Variants in HCN1 observed in about 807,000 individuals in gnomAD.
The protein encoded by HCN1 is potassium/sodium hyperpolarization-activated cyclic nucleotide-gated channel 1.
HCN1 carries 13 observed loss-of-function variants against 78.9 expected under a neutral mutation model. That is an observed-to-expected ratio of 0.16 (90% confidence interval 0.11 to 0.26). The LOEUF (loss-of-function observed/expected upper bound fraction) is 0.26. Among genes scored for constraint, HCN1 ranks in the 10% least tolerant of loss-of-function variants. The pLI, the probability that HCN1 is intolerant of heterozygous loss-of-function variation, is 1.00. For missense variants in HCN1, 810 were observed against 1,154.3 expected (o/e 0.70, Z 4.32); for synonymous variants, 552 against 455.5 (o/e 1.21, Z -2.70).
chr5:45,364,741 A>C (rs764458657), intron 4 of HCN1, among the ~76,000 whole-genome samples: 3 of 152,074 alleles, frequency 2.0e-5, no homozygotes, highest in Non-Finnish European at 4.4e-5. Flanking sequence ...GCTTGTCTTA[A>C]ATGTTAATGT....
chr5:45,462,131 C>G, intron 2 of HCN1, 124 bp from the exon 3 acceptor site: 1 of 748,186 alleles, frequency 1.3e-6, no homozygotes, highest in South Asian at 1.7e-5. Context: ...ATGGGAATAA[C>G]TTGCAGAAAT....
At chr5:45,614,417 C>A (rs779547433) in intron 2 of HCN1, among the ~76,000 whole-genome samples, 8 of 152,024 alleles carry the variant, frequency 5.3e-5, no homozygotes, top group Non-Finnish European at 1.2e-4. Context: ...AACTAGAGTT[C>A]TCTGTATTTT....
intron 2 of HCN1, among the ~76,000 whole-genome samples, chr5:45,618,293 C>T (rs984456240): frequency 6.6e-6 from 1 of 151,850 alleles, no homozygotes; most frequent in Admixed American, 6.6e-5. Flanking sequence ...GAAAGGGACA[C>T]GGAGGTATTC....
intron 1 of HCN1, among the ~76,000 whole-genome samples, chr5:45,675,340 T>C (rs984451073): frequency 6.6e-6 from 1 of 151,746 alleles, no homozygotes; most frequent in African/African-American, 2.4e-5. Flanking sequence ...TTGTTGGCTG[T>C]TCCTTCCCTA....
chr5:45,272,325 C>T (rs1033295170), intron 6 of HCN1, among the ~76,000 whole-genome samples: 1 of 152,006 alleles, frequency 6.6e-6, no homozygotes. Context: ...ATCTGTAGCT[C>T]ATACTATCCT....
intron 2 of HCN1, among the ~76,000 whole-genome samples, chr5:45,548,580 T>C (rs543810882): frequency 9.2e-5 from 14 of 152,172 alleles, no homozygotes; most frequent in Middle Eastern, 3.4e-3. Context: ...CTTTGAAAAC[T>C]GGCACAAGAC....
In HCN1 at chr5:45,383,838, T is replaced by C. The variant is rs73099487; in HGVS notation, c.1230+12654A>G. ...TGTTTTTTCCACAATATTTTAATAGTAAAATACAAAAGAATCACAGATTCT... is the reference window on the plus strand; with the variant it reads ...TGTTTTTTCCACAATATTTTAATAGCAAAATACAAAAGAATCACAGATTCT... On this transcript the variant is annotated intron_variant, in intron 4 of 7. Coordinates refer to ENST00000303230, the MANE Select transcript of HCN1 (RefSeq NM_021072.4). Among the ~76,000 whole-genome samples, 208 of 152,238 alleles carry C rather than the reference T, an allele frequency of 1.4e-3. 2 individuals are homozygous for C. The highest frequency in any genetic ancestry group is 5.0e-3 in the African/African-American group (207 of 41,552).
intron 3 of HCN1, among the ~76,000 whole-genome samples, chr5:45,424,028 C>A (rs1027602968): frequency 6.7e-6 from 1 of 149,508 alleles, no homozygotes; most frequent in Admixed American, 6.8e-5. Flanking sequence ...GTAATCCCAG[C>A]ACTTTGGGAG....
chr5:45,635,577 A>G (rs913780045), intron 2 of HCN1, among the ~76,000 whole-genome samples: 2 of 152,148 alleles, frequency 1.3e-5, no homozygotes, highest in Non-Finnish European at 2.9e-5. Context: ...TAATAAGAAA[A>G]AGAATTTAGC....
chr5:45,522,893 A>T (rs544968619), intron 2 of HCN1, among the ~76,000 whole-genome samples: 1 of 151,834 alleles, frequency 6.6e-6, no homozygotes, highest in African/African-American at 2.4e-5. Flanking sequence ...GTTTTAGGGT[A>T]CATGTGCACA....
chr5:45,671,686 G>A (rs1373072242), intron 1 of HCN1, among the ~76,000 whole-genome samples: 1 of 151,398 alleles, frequency 6.6e-6, no homozygotes, highest in Non-Finnish European at 1.5e-5. Flanking sequence ...TTCAATAGTT[G>A]TATAACTATT....
intron 5 of HCN1, among the ~76,000 whole-genome samples, chr5:45,346,496 G>A (rs1221068682): frequency 6.6e-6 from 1 of 152,186 alleles, no homozygotes; most frequent in Non-Finnish European, 1.5e-5. Flanking sequence ...TCACTAGGGA[G>A]TACCAGACAG....
intron 4 of HCN1, among the ~76,000 whole-genome samples, chr5:45,396,270 A>G (rs1222721090): frequency 6.6e-6 from 1 of 152,188 alleles, no homozygotes; most frequent in Non-Finnish European, 1.5e-5. Flanking sequence ...GTAAAGTCAC[A>G]TTTAAAAAGA....
Position 45,527,655 on chromosome 5 carries a change from C to T in HCN1, c.850-65648G>A, listed in dbSNP as rs543265665. ...TCTCTCTCTCACACACTGACATTCACATCCTTTCCTACACAGACTGAGATA... is the reference window on the plus strand; with the variant it reads ...TCTCTCTCTCACACACTGACATTCATATCCTTTCCTACACAGACTGAGATA... On this transcript the variant is annotated intron_variant, in intron 2 of 7. Transcript: ENST00000303230. Among the ~76,000 whole-genome samples the T allele has an allele frequency of 9.9e-5, 15 of 151,784 alleles. No individual in the cohort carries two copies. The South Asian group carries it at 3.1e-3, about 32-fold the overall frequency.
intron 2 of HCN1, among the ~76,000 whole-genome samples, chr5:45,570,293 TC>T (rs1368703001): frequency 6.6e-6 from 1 of 152,124 alleles, no homozygotes; most frequent in Non-Finnish European, 1.5e-5. Context: ...TTCTGATGAC[TC>T]TGCTTATGTT....
At chr5:45,266,575 A>T (rs1744861836) in intron 7 of HCN1, among the ~76,000 whole-genome samples, 1 of 152,214 alleles carries the variant, frequency 6.6e-6, no homozygotes, top group African/African-American at 2.4e-5. Flanking sequence ...TAGCAAAAAT[A>T]GACATTAATA....
At chr5:45,491,239 T>C (rs1741879126) in intron 2 of HCN1, among the ~76,000 whole-genome samples, 1 of 152,126 alleles carries the variant, frequency 6.6e-6, no homozygotes, top group Non-Finnish European at 1.5e-5. Context: ...ATTCTGTTAT[T>C]CCCAGCAACA....
At chr5:45,455,760 C>CAAA (rs571706502) in intron 3 of HCN1, among the ~76,000 whole-genome samples, 14 of 59,802 alleles carry the variant, frequency 2.3e-4, no homozygotes, top group Non-Finnish European at 2.8e-4. Context: ...TTCTGGAACT[C>CAAA]AAAAAAAAAA....
At chr5:45,562,819 T>C (rs931834086) in intron 2 of HCN1, among the ~76,000 whole-genome samples, 2 of 152,218 alleles carry the variant, frequency 1.3e-5, no homozygotes, top group African/African-American at 4.8e-5. Context: ...TTCATGTAAA[T>C]TGAATGGTTT....
Sources: allele counts gnomAD v4.1 joint callset (sites outside exome capture counted in the v4.1 genomes callset), GRCh38; gene constraint gnomAD v4.1.1; transcripts MANE v1.5; gene names NCBI Gene and HGNC (gene_info 2026-07-23, HGNC 2026-07-21).